Variants in WWC2 observed in about 807,000 individuals in gnomAD.
WWC2 encodes WW and C2 domain containing 2, also known as protein WWC2.
Under a neutral mutation model 138.5 loss-of-function variants are expected in WWC2, and 101 were observed. The ratio of observed to expected loss-of-function variants is 0.73; its 90% confidence interval spans 0.62 to 0.86. The LOEUF is 0.86. WWC2 is among the 40% of genes least tolerant of loss of function. The pLI is 0.00. For missense variants in WWC2, 1,420 were observed against 1,419.4 expected (o/e 1.00, Z -0.01); for synonymous variants, 558 against 538.4 (o/e 1.04, Z -0.50).
chr4:183,124,624 C>T (rs1732705457), intron 1 of WWC2, among the ~76,000 whole-genome samples: 1 of 141,778 alleles, frequency 7.1e-6, no homozygotes, highest in South Asian at 2.2e-4. Context: ...GAGTCTTGCT[C>T]TGTTGCCTAG....
intron 1 of WWC2, among the ~76,000 whole-genome samples, chr4:183,144,063 T>G (rs1312304056): frequency 6.6e-6 from 1 of 152,180 alleles, no homozygotes; most frequent in African/African-American, 2.4e-5. Flanking sequence ...TATAATAAAC[T>G]CTTCTGAGTA....
chr4:183,296,572 A>G (rs1350101855), intron 21 of WWC2, among the ~76,000 whole-genome samples: 2 of 152,122 alleles, frequency 1.3e-5, no homozygotes, highest in Non-Finnish European at 2.9e-5. Context: ...CCTGTGCATA[A>G]TTCTGGCCTT....
chr4:183,128,219 G>T (rs922451655), intron 1 of WWC2, among the ~76,000 whole-genome samples: 1 of 152,112 alleles, frequency 6.6e-6, no homozygotes, highest in Non-Finnish European at 1.5e-5. Context: ...CTCACCTGTA[G>T]TGCCAGCTAG....
chr4:183,167,407 G>T (rs143484914), intron 1 of WWC2, among the ~76,000 whole-genome samples: 5 of 152,150 alleles, frequency 3.3e-5, no homozygotes, highest in African/African-American at 1.2e-4. Flanking sequence ...GTGTGGCAGA[G>T]ATTTAAGGGA....
intron 1 of WWC2, among the ~76,000 whole-genome samples, chr4:183,106,415 A>G (rs1223537237): frequency 1.4e-5 from 2 of 143,736 alleles, no homozygotes; most frequent in African/African-American, 2.5e-5. Context: ...TATTAGATTA[A>G]AAAAATTCCT....
At chr4:183,248,955 C>A in intron 7 of WWC2, 95 bp downstream of exon 7, 1 of 1,238,300 alleles carries the variant, frequency 8.1e-7, no homozygotes. Context: ...GTATATGTGA[C>A]TTGGATTCTG....
intron 1 of WWC2, among the ~76,000 whole-genome samples, chr4:183,138,581 AAAGC>A (rs1733193821): frequency 6.6e-6 from 1 of 152,166 alleles, no homozygotes; most frequent in African/African-American, 2.4e-5. Flanking sequence ...TATGGTCTGC[AAAGC>A]TGAACATATT....
intron 21 of WWC2, among the ~76,000 whole-genome samples, chr4:183,294,133 A>C (rs1036522727): frequency 6.6e-6 from 1 of 152,140 alleles, no homozygotes; most frequent in Admixed American, 6.5e-5. Context: ...TAAATGATGT[A>C]TTTGCATTCC....
chr4:183,261,234 T>C lies in WWC2; in HGVS notation c.1611T>C (p.Ala537=). The change falls in exon 11 of 23, where the codon GCT becomes GCC. Residue 537 remains alanine, a synonymous_variant. Coordinates refer to ENST00000403733, the MANE Select transcript of WWC2 (RefSeq NM_024949.6). ...CAACAGGCCACACTCCTCCACTGGC[T>C]GAGGCCCCGAAGTCTGTGGCCTCCC... ...AAATGHTPPL[A]EAPKSVASLS... is the part of the protein sequence containing the mutation. The C allele has an allele frequency of 4.3e-6, 7 of 1,612,900 alleles. No homozygotes were observed. Among genetic ancestry groups the C allele is most frequent in the Non-Finnish European group, 5.1e-6 (6 of 1,179,512 alleles).
intron 1 of WWC2, among the ~76,000 whole-genome samples, chr4:183,114,711 C>T (rs1347145725): frequency 2.0e-5 from 3 of 151,442 alleles, no homozygotes; most frequent in Non-Finnish European, 4.4e-5. Context: ...TCACAGAGTA[C>T]ACACGTGGAT....
chr4:183,154,667 C>T (rs1394222125), intron 1 of WWC2, among the ~76,000 whole-genome samples: 1 of 152,134 alleles, frequency 6.6e-6, no homozygotes, highest in African/African-American at 2.4e-5. Flanking sequence ...ATAATTTAAC[C>T]GGATTAAGAT....
chr4:183,120,319 CAAAG>C (rs1487393511), intron 1 of WWC2, among the ~76,000 whole-genome samples: 5 of 152,198 alleles, frequency 3.3e-5, no homozygotes, highest in South Asian at 4.2e-4. Context: ...GAATTGTTAA[CAAAG>C]AAAGATGTAT....
chr4:183,240,216 A>T lies in WWC2; in HGVS notation c.556A>T (p.Lys186Ter). 6.4e-7 allele frequency: 1 copy of T among 1,552,440 alleles called. No individual in the cohort carries two copies. The highest frequency in any genetic ancestry group is 8.7e-7 in the Non-Finnish European group (1 of 1,147,866). ...KKLKRELSQM[K>*]QELLYKEQGF... is the part of the protein sequence containing the mutation. ...GCTAAAGAGAGAGCTCTCACAGATG[A>T]AGCAGGAACTGCTCTATAAAGAACA... The change falls in exon 5 of 23, where the codon AAG becomes TAG. Residue 186 changes from lysine (K) to a stop codon, truncating the protein, a stop_gained. Transcript: ENST00000403733. LOFTEE classifies it high-confidence loss of function.
chr4:183,245,632 G>A (rs1159456309), intron 6 of WWC2, 87 bp downstream of exon 6: 1 of 1,399,644 alleles, frequency 7.1e-7, no homozygotes, highest in African/African-American at 1.5e-5. Flanking sequence ...CTCCCTCAGA[G>A]TCTGGATGAC....
At chr4:183,279,388 T>C (rs1737987068) in intron 16 of WWC2, among the ~76,000 whole-genome samples, 1 of 152,222 alleles carries the variant, frequency 6.6e-6, no homozygotes. Context: ...CAGTATTTTA[T>C]TGAGGATTTT....
chr4:183,282,913 A>C lies in WWC2; in HGVS notation c.2883+7A>C. The C allele has an allele frequency of 6.4e-7, 1 of 1,568,840 alleles. No individual in the cohort carries two copies. On this transcript the variant is annotated splice_region_variant and intron_variant, in intron 18 of 22. Transcript: ENST00000403733. ...TACTAGAATACCAACACTGGTGACT[A>C]TTCCGCTGTGCTGTCTTAAAACTGA...
chr4:183,256,529 C>T (rs998963732), intron 9 of WWC2, among the ~76,000 whole-genome samples: 3 of 152,154 alleles, frequency 2.0e-5, no homozygotes, highest in Non-Finnish European at 4.4e-5. Context: ...TGCTGTTGCA[C>T]TGACGCCGGG....
chr4:183,255,588 A>G (rs796572892), intron 9 of WWC2, among the ~76,000 whole-genome samples: 19 of 152,310 alleles, frequency 1.2e-4, no homozygotes, highest in African/African-American at 4.1e-4. Context: ...CGTCCATCTC[A>G]GCTGTTCTAC....
intron 4 of WWC2, among the ~76,000 whole-genome samples, chr4:183,238,297 C>T (rs1419814393): frequency 1.3e-5 from 2 of 152,194 alleles, no homozygotes; most frequent in Non-Finnish European, 1.5e-5. Flanking sequence ...TCACCAAGTC[C>T]TGTTGATTCT....
Sources: allele counts gnomAD v4.1 joint callset (sites outside exome capture counted in the v4.1 genomes callset), GRCh38; gene constraint gnomAD v4.1.1; transcripts MANE v1.5; gene names NCBI Gene and HGNC (gene_info 2026-07-23, HGNC 2026-07-21).